TRPM2: variants seen among roughly 807,000 people sequenced by gnomAD.
TRPM2 encodes estrogen-responsive element-associated gene 1 protein.
A neutral mutation model predicts 174.0 loss-of-function variants in TRPM2; 161 were observed. The observed-to-expected ratio is 0.93, with a 90% confidence interval of 0.81 to 1.05. The LOEUF (loss-of-function observed/expected upper bound fraction) is 1.05, where lower values mean the gene tolerates loss of function less well. Among genes scored for constraint, TRPM2 ranks in the 50% least tolerant of loss-of-function variants. The pLI is 0.00. For missense variants in TRPM2, 2,057 were observed against 2,038.0 expected (o/e 1.01, Z -0.18); for synonymous variants, 954 against 861.3 (o/e 1.11, Z -1.88).
intron 7 of TRPM2, among the ~76,000 whole-genome samples, chr21:44,378,223 C>T (rs902503225): frequency 1.3e-5 from 2 of 152,238 alleles, no homozygotes; most frequent in Non-Finnish European, 2.9e-5. Context: ...AGCTTGAATG[C>T]GCTGCTCTGC....
chr21:44,353,469 G>T (rs1602107037), upstream of TRPM2: 2 of 514,614 alleles, frequency 3.9e-6, no homozygotes, highest in Non-Finnish European at 6.2e-6. Context: ...CCCAGCCAAG[G>T]GACACAGCTC....
Position 44,425,624 on chromosome 21 carries a change from T to C in TRPM2, c.3638-46T>C, listed in dbSNP as rs1601235544. ...AGTCCTTGTCCTGCGGGCGGGCACC[T>C]GAGCCCGGGCTCCGCCTTGCGTCAC... On this transcript the variant is annotated intron_variant, in intron 24 of 31. Coordinates refer to ENST00000397928, the MANE Select transcript of TRPM2 (RefSeq NM_003307.4). 2.1e-6 allele frequency: 3 copies of C among 1,441,572 alleles called. No individual in the cohort carries two copies. In the East Asian group the frequency reaches 7.8e-5, roughly 38 times the overall value. 89.3% of individuals were successfully genotyped at this position (1,441,572 alleles called of 1,614,324 possible).
chr21:44,408,626 C>G (rs1449502966), intron 19 of TRPM2, among the ~76,000 whole-genome samples: 1 of 148,156 alleles, frequency 6.7e-6, no homozygotes. Flanking sequence ...AGTCTTCTTT[C>G]AAGAAATGTC....
At chr21:44,402,265 A>G (rs771490696) in intron 16 of TRPM2, among the ~76,000 whole-genome samples, 10 of 152,156 alleles carry the variant, frequency 6.6e-5, no homozygotes, top group Non-Finnish European at 1.5e-4. Flanking sequence ...ATAACGAGCC[A>G]GAAGGACCCA....
In TRPM2 at chr21:44,442,131, C is replaced by A. The variant is rs1175398637; in HGVS notation, c.*314C>A. 3.6e-6 allele frequency: 1 copy of A among 280,748 alleles called. No individual in the cohort carries two copies. Among genetic ancestry groups the A allele is most frequent in the Non-Finnish European group, 6.6e-6 (1 of 151,958 alleles). 17.4% of individuals were successfully genotyped at this position (280,748 alleles called of 1,614,324 possible). ...CTGGGCCCTTGGCCAGAGTCCACTCCCTTCCTGGCTGTGTCACCCCGAGCA... is the reference window on the plus strand; with the variant it reads ...CTGGGCCCTTGGCCAGAGTCCACTCACTTCCTGGCTGTGTCACCCCGAGCA... On this transcript the variant is annotated 3_prime_UTR_variant, in exon 32 of 32. Transcript: ENST00000397928.
At position 44,399,672 on chromosome 21, in the gene TRPM2, G is replaced by A. The variant is rs953344912; in HGVS notation, c.2208+231G>A. Among the ~76,000 whole-genome samples, 6 of 152,168 alleles carry A rather than the reference G, an allele frequency of 3.9e-5. No homozygotes were observed. The highest frequency in any genetic ancestry group is 1.4e-4 in the African/African-American group (6 of 41,442). On this transcript the variant is annotated intron_variant, in intron 14 of 31. Coordinates refer to ENST00000397928, the MANE Select transcript of TRPM2 (RefSeq NM_003307.4). The surrounding 1 kb of genome is among the most constrained non-coding windows in gnomAD (Gnocchi z 4.6). ...GCAGGAGCTGGTGGCCATGGAGATC[G>A]CAATTCACCTCCCCATGGATGTTCC...
rs901813199 is a variant in TRPM2, at chr21:44,394,398, C to A, written c.1795-1016C>A. On this transcript the variant is annotated intron_variant, in intron 11 of 31. Transcript: ENST00000397928. ...GTAGTGGCGCAATCTTGGCTCACTG[C>A]AACCTCCACCTCCTGGGTTCAGGCC... Among the ~76,000 whole-genome samples the A allele has an allele frequency of 8.7e-5, 13 of 148,838 alleles. 1 individual carries two copies. The highest frequency in any genetic ancestry group is 1.6e-4 in the Non-Finnish European group (11 of 67,668).
intron 22 of TRPM2, among the ~76,000 whole-genome samples, chr21:44,421,400 C>G (rs2050546527): frequency 6.6e-6 from 1 of 152,120 alleles, no homozygotes; most frequent in Non-Finnish European, 1.5e-5. Flanking sequence ...GGTCTGCTGC[C>G]TATTTCCCAG....
At chr21:44,352,218 C>T (rs954404171), upstream of TRPM2, among the ~76,000 whole-genome samples, 3 of 152,216 alleles carry the variant, frequency 2.0e-5, no homozygotes, top group South Asian at 4.1e-4. Context: ...CACTGGCATG[C>T]GGCACAACAT....
chr21:44,412,482 C>T (rs1286158438), intron 19 of TRPM2, among the ~76,000 whole-genome samples: 2 of 152,080 alleles, frequency 1.3e-5, no homozygotes, highest in African/African-American at 2.4e-5. Context: ...AGCCTTCTCT[C>T]TTTTTTTCCT....
intron 16 of TRPM2, among the ~76,000 whole-genome samples, chr21:44,404,323 TAC>T (rs1569072950): frequency 6.6e-6 from 1 of 151,572 alleles, no homozygotes; most frequent in African/African-American, 2.4e-5. Flanking sequence ...CATACACATA[TAC>T]ACACATGCAT....
chr21:44,398,452 C>T (rs1234538048), intron 13 of TRPM2, among the ~76,000 whole-genome samples: 1 of 152,148 alleles, frequency 6.6e-6, no homozygotes, highest in African/African-American at 2.4e-5. Flanking sequence ...CCGCCCACCT[C>T]GGCCTCCCAA....
rs2047975212 is a variant in TRPM2, at chr21:44,353,764, A to C, written c.64A>C (p.Arg22=). The change falls in exon 1 of 32, where the codon AGA becomes CGA. Residue 22 remains arginine, a synonymous_variant. Transcript: ENST00000397928. ...GGAGGAGGGCTTTGAGGGGCTGCCCAGAAGGGTCACTGACCTGGGGATGGT... is the reference window on the plus strand; with the variant it reads ...GGAGGAGGGCTTTGAGGGGCTGCCCCGAAGGGTCACTGACCTGGGGATGGT... ...EQEEGFEGLP[R]RVTDLGMVSN... The C allele has an allele frequency of 1.2e-6, 2 of 1,600,670 alleles. No individual in the cohort carries two copies. Among genetic ancestry groups the C allele is most frequent in the Non-Finnish European group, 1.7e-6 (2 of 1,174,382 alleles).
Position 44,400,278 on chromosome 21 carries a change from G to T in TRPM2, c.2228G>T (p.Trp743Leu). Residue 743 changes from tryptophan (W) to leucine (L), a missense_variant, in exon 15 of 32, where the codon TGG becomes TTG. Transcript: ENST00000397928. ...GGIQAFLTKV[W>L]WGQLSVDNGL... is the part of the protein sequence containing the mutation. Reference sequence around the variant, plus strand: ...CCGCAGGCCTTCCTGACCAAGGTGTGGTGGGGCCAGCTCTCCGTGGACAAT... The same window carrying T: ...CCGCAGGCCTTCCTGACCAAGGTGTTGTGGGGCCAGCTCTCCGTGGACAAT... 6.2e-7 allele frequency: 1 copy of T among 1,612,762 alleles called. No homozygotes were observed. Among genetic ancestry groups the T allele is most frequent in the South Asian group, 1.1e-5 (1 of 91,012 alleles).
chr21:44,436,492 A>G, intron 28 of TRPM2, among the ~76,000 whole-genome samples: 1 of 148,996 alleles, frequency 6.7e-6, no homozygotes, highest in African/African-American at 2.5e-5. Flanking sequence ...TCGGCACCCC[A>G]CGTCACCCCC....
At chr21:44,402,448 T>C (rs2049653278) in intron 16 of TRPM2, among the ~76,000 whole-genome samples, 1 of 152,186 alleles carries the variant, frequency 6.6e-6, no homozygotes, top group Non-Finnish European at 1.5e-5. Context: ...GGTGATGATG[T>C]GTGGCCTCAT....
intron 7 of TRPM2, among the ~76,000 whole-genome samples, chr21:44,378,054 G>A (rs951246879): frequency 6.6e-6 from 1 of 152,226 alleles, no homozygotes; most frequent in Non-Finnish European, 1.5e-5. Context: ...CCTGGAGTGA[G>A]TGGGGCGCCT....
In TRPM2 at chr21:44,406,716, C is replaced by T. The variant is rs753380137; in HGVS notation, c.2913C>T (p.Val971=). The change falls in exon 19 of 32, where the codon GTC becomes GTT. Residue 971 remains valine, a synonymous_variant. Transcript: ENST00000397928. ...TGGACTGGCTGTTCCGAGGGGCCGT[C>T]TACCACTCCTACCTCACCATCTTCG... ...RRVDWLFRGA[V]YHSYLTIFGQ... is the part of the protein sequence containing the mutation. The T allele has an allele frequency of 1.1e-5, 18 of 1,608,356 alleles. No individual in the cohort carries two copies. The highest frequency in any genetic ancestry group is 1.4e-5 in the Non-Finnish European group (17 of 1,178,968).
chr21:44,387,015 C>T (rs2049035612), intron 9 of TRPM2, among the ~76,000 whole-genome samples: 1 of 151,986 alleles, frequency 6.6e-6, no homozygotes, highest in South Asian at 2.1e-4. Context: ...CATGGTGAAA[C>T]CTTGTCTCTA....
Sources: allele counts gnomAD v4.1 joint callset (sites outside exome capture counted in the v4.1 genomes callset), GRCh38; gene constraint gnomAD v4.1.1; non-coding constraint Gnocchi (gnomAD v3.1); transcripts MANE v1.5; gene names NCBI Gene and HGNC (gene_info 2026-07-23, HGNC 2026-07-21).